SNX9: variants seen among roughly 807,000 people sequenced by gnomAD.
The protein encoded by SNX9 is sorting nexin-9.
Under a neutral mutation model 89.4 loss-of-function variants are expected in SNX9, and 44 were observed. The observed-to-expected ratio is 0.49, with a 90% CI of 0.39 to 0.63. The LOEUF is 0.63. Ranked by LOEUF, SNX9 falls within the 30% of genes least tolerant of loss-of-function variation. The probability of loss-of-function intolerance (pLI) is 0.00; values close to 1 mark genes in which losing one functional copy is unlikely to be tolerated. For missense variants in SNX9, 578 were observed against 736.1 expected (o/e 0.79, Z 2.49); for synonymous variants, 236 against 247.8 (o/e 0.95, Z 0.45).
intron 1 of SNX9, among the ~76,000 whole-genome samples, chr6:157,842,460 G>A (rs1781721504): frequency 6.6e-6 from 1 of 152,172 alleles, no homozygotes; most frequent in Non-Finnish European, 1.5e-5. Flanking sequence ...ATCAAGACAG[G>A]GGGATTGCAA....
rs1407108948 is a variant in SNX9, at chr6:157,937,540, C to T, written c.1533+17C>T. 1 of 1,592,660 alleles carries T rather than the reference C, an allele frequency of 6.3e-7. No individual in the cohort carries two copies. Among genetic ancestry groups the T allele is most frequent in the African/African-American group, 1.3e-5 (1 of 74,448 alleles). On this transcript the variant is annotated intron_variant, in intron 15 of 17. Transcript: ENST00000392185. ...ACTCACAAGGTAACCTGATCGTAGA[C>T]ATTTATAGAAGACAACAGCAGGTGA...
intron 4 of SNX9, among the ~76,000 whole-genome samples, chr6:157,888,173 G>T (rs1223882096): frequency 6.6e-6 from 1 of 152,114 alleles, no homozygotes; most frequent in Non-Finnish European, 1.5e-5. Context: ...ATTTTGTCTG[G>T]ACTCTCTCAC....
chr6:157,898,602 G>C lies in SNX9; in HGVS notation c.472+1604G>C, dbSNP rs1170277552. On this transcript the variant is annotated intron_variant, in intron 5 of 17. Coordinates refer to ENST00000392185, the MANE Select transcript of SNX9 (RefSeq NM_016224.5). ...ACTGTTTTAACTTCCTGTTTGACTA[G>C]GCTATGAATAGAAATACTGAGGCAG... Among the ~76,000 whole-genome samples, 4 of 152,270 alleles carry C rather than the reference G, an allele frequency of 2.6e-5. No individual in the cohort carries two copies. In the East Asian group the frequency reaches 7.7e-4, roughly 29 times the overall value.
Position 157,942,881 on chromosome 6 carries a change from A to G in SNX9, c.*43A>G, listed in dbSNP as rs535436507. On this transcript the variant is annotated 3_prime_UTR_variant, in exon 18 of 18. Transcript: ENST00000392185. The stretch of plus-strand genomic sequence containing the variant: ...AGAGAATGCCGCGTGCTTTCTCCTG[A>G]CTTGGGGCAATGCAATTCAAAACTT... 4.5e-6 allele frequency: 7 copies of G among 1,572,134 alleles called. No homozygotes were observed. The South Asian group carries it at 7.0e-5, about 16-fold the overall frequency.
chr6:157,838,197 G>C (rs2115110880), intron 1 of SNX9, among the ~76,000 whole-genome samples: 1 of 152,022 alleles, frequency 6.6e-6, no homozygotes, highest in South Asian at 2.1e-4. Context: ...ATTTTTTATA[G>C]AGATGGTGTT....
chr6:157,942,433 A>C (rs532627704), intron 17 of SNX9, among the ~76,000 whole-genome samples: 2 of 152,336 alleles, frequency 1.3e-5, no homozygotes, highest in African/African-American at 4.8e-5. Flanking sequence ...GGGATTCTGG[A>C]AGCTCATACT....
chr6:157,915,404 A>G (rs948238443), intron 9 of SNX9, among the ~76,000 whole-genome samples: 1 of 151,868 alleles, frequency 6.6e-6, no homozygotes, highest in East Asian at 1.9e-4. Flanking sequence ...CTTTTAATCC[A>G]TATATAAAAA....
At chr6:157,844,672 C>T (rs1032279589) in intron 1 of SNX9, among the ~76,000 whole-genome samples, 1 of 149,390 alleles carries the variant, frequency 6.7e-6, no homozygotes, top group African/African-American at 2.5e-5. Context: ...CGGCTCACTG[C>T]AGCCTGCACC....
intron 12 of SNX9, among the ~76,000 whole-genome samples, chr6:157,931,031 G>A (rs886542944): frequency 5.9e-5 from 9 of 152,346 alleles, no homozygotes; most frequent in African/African-American, 1.7e-4. Context: ...CATGTCCTGT[G>A]TAATTCACAA....
At chr6:157,890,435 T>G (rs142392121) in intron 4 of SNX9, among the ~76,000 whole-genome samples, 19 of 152,324 alleles carry the variant, frequency 1.2e-4, no homozygotes, top group Middle Eastern at 3.4e-3. Context: ...TCTATTTGCA[T>G]TATGAGGAGA....
intron 1 of SNX9, among the ~76,000 whole-genome samples, chr6:157,835,261 C>T (rs541260542): frequency 6.6e-6 from 1 of 152,276 alleles, no homozygotes; most frequent in South Asian, 2.1e-4. Context: ...GATCCACCTG[C>T]CTCGGCCCCT....
chr6:157,910,632 C>T (rs1783319895), intron 9 of SNX9, among the ~76,000 whole-genome samples: 1 of 152,098 alleles, frequency 6.6e-6, no homozygotes, highest in African/African-American at 2.4e-5. Flanking sequence ...GCCACATTCC[C>T]TCCCCTCCCC....
intron 2 of SNX9, chr6:157,872,670 G>A (rs1370688187): frequency 6.5e-6 from 1 of 154,192 alleles, no homozygotes; most frequent in Non-Finnish European, 1.4e-5. Context: ...GCTGAAGTGT[G>A]CAGAAGCCCT....
chr6:157,904,602 T>C (rs146282332), intron 6 of SNX9, among the ~76,000 whole-genome samples: 1,824 of 152,164 alleles, frequency 0.012, 42 homozygotes, highest in African/African-American at 0.042. Flanking sequence ...TCCCAGCTAC[T>C]TGGGAGACTG....
chr6:157,926,657 CTAAAGTCCCAGCT>C (rs1425812988), intron 10 of SNX9, among the ~76,000 whole-genome samples: 2 of 151,464 alleles, frequency 1.3e-5, no homozygotes, highest in African/African-American at 4.9e-5. Context: ...TGGCATGCGC[CTAAAGTCCCAGCT>C]ACTTGGGGGC....
intron 9 of SNX9, among the ~76,000 whole-genome samples, chr6:157,916,323 C>T (rs779160711): frequency 3.3e-5 from 5 of 152,188 alleles, no homozygotes; most frequent in Non-Finnish European, 4.4e-5. Flanking sequence ...CGTGAGCCAC[C>T]GTGCCCGGCC....
intron 10 of SNX9, among the ~76,000 whole-genome samples, chr6:157,926,636 G>T (rs1192501188): frequency 6.6e-6 from 1 of 151,834 alleles, no homozygotes; most frequent in Non-Finnish European, 1.5e-5. Context: ...ACAAAAATTA[G>T]CCAGGCATGG....
In SNX9 at chr6:157,826,186, G is replaced by A. The variant is rs566085399; in HGVS notation, c.12+2740G>A. 4.2e-4 allele frequency among the ~76,000 whole-genome samples: 64 copies of A among 152,236 alleles called. No homozygotes were observed. The Middle Eastern group carries it at 0.01, about 24-fold the overall frequency. ...TCTTTTAGAAGAAGAACTTTAGTTT[G>A]ACAGTCCTTCACTGCTAAAGAAAGT... is the stretch of plus-strand genomic sequence containing the variant. On this transcript the variant is annotated intron_variant, in intron 1 of 17. Coordinates refer to ENST00000392185, the MANE Select transcript of SNX9 (RefSeq NM_016224.5).
intron 1 of SNX9, among the ~76,000 whole-genome samples, chr6:157,832,836 G>C (rs893464464): frequency 1.3e-5 from 2 of 152,152 alleles, no homozygotes; most frequent in Non-Finnish European, 2.9e-5. Flanking sequence ...GATGAGATCT[G>C]GGGAGACACA....
Sources: allele counts gnomAD v4.1 joint callset (sites outside exome capture counted in the v4.1 genomes callset), GRCh38; gene constraint gnomAD v4.1.1; transcripts MANE v1.5; gene names NCBI Gene and HGNC (gene_info 2026-07-23, HGNC 2026-07-21).